Variants in C14orf180 observed in about 807,000 individuals in gnomAD.
C14orf180 encodes chromosome 14 open reading frame 180, also known as nutritionally-regulated adipose and cardiac enriched protein homolog.
Under a neutral mutation model 13.9 loss-of-function variants are expected in C14orf180, and 13 were observed. The ratio of observed to expected loss-of-function variants is 0.94; its 90% confidence interval spans 0.61 to 1.49. The LOEUF (loss-of-function observed/expected upper bound fraction) is 1.49. Ranked by LOEUF, C14orf180 falls within the 40% of genes most tolerant of loss-of-function variation. The pLI is 0.00. For missense variants in C14orf180, 238 were observed against 232.0 expected (o/e 1.03, Z -0.17); for synonymous variants, 113 against 106.3 (o/e 1.06, Z -0.39).
At position 104,588,909 on chromosome 14, in the gene C14orf180, A is replaced by AG. The variant is rs1238124241; in HGVS notation, c.*129dup. On this transcript the variant is annotated 3_prime_UTR_variant, in exon 5 of 5. Transcript: ENST00000557649. ...GGGGGCCAAAAGGGGCTGCTGCCTG[A>AG]GGGCTAACTAGGAAAAGGGGGACCC... The AG allele has an allele frequency of 6.9e-7, 1 of 1,452,114 alleles. No homozygotes were observed. The highest frequency in any genetic ancestry group is 2.5e-5 in the Admixed American group (1 of 40,642). 90.0% of individuals were successfully genotyped at this position (1,452,114 alleles called of 1,614,324 possible). A position where few individuals can be genotyped will look rare whatever the true frequency, so the allele number is the denominator to read the frequency against.
chr14:104,586,590 G>A (rs950157843), intron 2 of C14orf180, 49 bp downstream of exon 2: 4 of 1,206,164 alleles, frequency 3.3e-6, no homozygotes, highest in Non-Finnish European at 2.3e-6. Flanking sequence ...CCTTCCACTG[G>A]GGGCTGGAGG....
chr14:104,588,126 T>C, intron 3 of C14orf180, 148 bp from the exon 4 acceptor site: 1 of 1,012,904 alleles, frequency 9.9e-7, no homozygotes, highest in South Asian at 1.4e-5. Flanking sequence ...ACTGTCCCTT[T>C]GAGGAAGTGT....
chr14:104,588,361 C>T, intron 4 of C14orf180, 52 bp downstream of exon 4: 1 of 1,605,550 alleles, frequency 6.2e-7, no homozygotes, highest in Non-Finnish European at 8.5e-7. Context: ...CGTGGGTGCA[C>T]CCACCCTCAC....
chr14:104,588,702 C>T lies in C14orf180; in HGVS notation c.402C>T (p.Asp134=), dbSNP rs1324115611. 1 of 1,535,686 alleles carries T rather than the reference C, an allele frequency of 6.5e-7. No homozygotes were observed. Among genetic ancestry groups the T allele is most frequent in the Non-Finnish European group, 8.7e-7 (1 of 1,146,300 alleles). The change falls in exon 5 of 5, where the codon GAC becomes GAT. Residue 134 remains aspartate, a synonymous_variant. Transcript: ENST00000557649. ...AGCCCGTGGCAACGGCACTGGAGGA[C>T]CTGCGGGCCCGGCTCCTCGGCCTTG... ...RAKPVATALE[D]LRARLLGLVL...
rs12589717 is a variant in C14orf180, at chr14:104,589,902, G to A, written c.*1119G>A. 22,793 of 152,174 alleles carry A rather than the reference G, an allele frequency of 0.15. 2,664 individuals carry two copies. The highest frequency in any genetic ancestry group is 0.57 in the East Asian group (2,926 of 5,166). The allele number at this position is 152,174 out of a possible 1,614,324, so 9.4% of individuals were successfully genotyped here. On this transcript the variant is annotated 3_prime_UTR_variant, in exon 5 of 5. Coordinates refer to ENST00000557649, the MANE Select transcript of C14orf180 (RefSeq NM_001008404.3). The surrounding 1 kb of genome is among the most constrained non-coding windows in gnomAD (Gnocchi z 4.9). Reference sequence around the variant, plus strand: ...ACCAGAACCGATTTGCTAAGGAATCGGCCTCAGTGGCCAAAGCGGATGTCC... The same window carrying A: ...ACCAGAACCGATTTGCTAAGGAATCAGCCTCAGTGGCCAAAGCGGATGTCC...
chr14:104,587,600 C>A (rs1019431972), intron 2 of C14orf180, 149 bp from the exon 3 acceptor site: 6 of 806,486 alleles, frequency 7.4e-6, no homozygotes, highest in African/African-American at 1.8e-5. Context: ...GCCCCTCACC[C>A]TACAGGAAGT....
chr14:104,588,675 C>A lies in C14orf180; in HGVS notation c.375C>A (p.Ala125=). 6.5e-7 allele frequency: 1 copy of A among 1,534,948 alleles called. No homozygotes were observed. The highest frequency in any genetic ancestry group is 8.7e-7 in the Non-Finnish European group (1 of 1,145,914). Residue 125 remains alanine, a synonymous_variant, in exon 5 of 5, where the codon GCC becomes GCA. Transcript: ENST00000557649. The part of the protein sequence containing the change: ...VLALGLYCGR[A]KPVATALEDL... Reference sequence around the variant, plus strand: ...CCCTGGGCCTATACTGCGGCCGGGCCAAGCCCGTGGCAACGGCACTGGAGG... The same window carrying A: ...CCCTGGGCCTATACTGCGGCCGGGCAAAGCCCGTGGCAACGGCACTGGAGG...
rs1432556877 is a variant in C14orf180 at position 104,588,837 on chromosome 14, G to A, written c.*54G>A. The A allele has an allele frequency of 9.2e-6, 14 of 1,523,280 alleles. No homozygotes were observed. Among genetic ancestry groups the A allele is most frequent in the Non-Finnish European group, 1.1e-5 (13 of 1,139,498 alleles). 94.4% of individuals were successfully genotyped at this position (1,523,280 alleles called of 1,614,324 possible). A position where few individuals can be genotyped will look rare whatever the true frequency, so the allele number is the denominator to read the frequency against. ...TTCCAGGAGAGCTCAAGCACTCCGG[G>A]GGCTCCGAGACAGCCTGAGCCCTGG... On this transcript the variant is annotated 3_prime_UTR_variant, in exon 5 of 5. Transcript: ENST00000557649.
chr14:104,582,805 G>C (rs914991675), intron 1 of C14orf180, among the ~76,000 whole-genome samples: 22 of 152,162 alleles, frequency 1.4e-4, no homozygotes, highest in Admixed American at 3.9e-4. Flanking sequence ...GACACTTACA[G>C]GTCCAGGCTC....
chr14:104,587,736 G>C lies in C14orf180; in HGVS notation c.112-13G>C. On this transcript the variant is annotated splice_polypyrimidine_tract_variant and intron_variant, in intron 2 of 4. Transcript: ENST00000557649. ...CCGGGGACTCACCAGTCTGCTTCCC[G>C]CCCCCACACCAGGAGGACAACAGGA... 1 of 1,610,784 alleles carries C rather than the reference G, an allele frequency of 6.2e-7. No individual in the cohort carries two copies. The highest frequency in any genetic ancestry group is 1.3e-5 in the African/African-American group (1 of 74,830).
chr14:104,585,231 A>G (rs1330067480), intron 1 of C14orf180, among the ~76,000 whole-genome samples: 1 of 152,150 alleles, frequency 6.6e-6, no homozygotes, highest in Non-Finnish European at 1.5e-5. Flanking sequence ...AGGTCCCCAC[A>G]CTGCCCCCTA....
chr14:104,588,422 G>C, intron 4 of C14orf180, 113 bp downstream of exon 4: 2 of 1,525,336 alleles, frequency 1.3e-6, no homozygotes, highest in Non-Finnish European at 1.8e-6. Context: ...GGAGTCCCCA[G>C]TTGGGGAGCT....
In C14orf180 at chr14:104,587,755, A is replaced by G. The variant is rs1171545030; in HGVS notation, c.118A>G (p.Asn40Asp). The G allele has an allele frequency of 1.2e-6, 2 of 1,612,588 alleles. No individual in the cohort carries two copies. Among genetic ancestry groups the G allele is most frequent in the Non-Finnish European group, 1.7e-6 (2 of 1,179,580 alleles). ...CTTCCCGCCCCCACACCAGGAGGAC[A>G]ACAGGAAGTGCCCCCCCTCCATCCT... is the stretch of plus-strand genomic sequence containing the variant. Reference protein sequence around the residue: ...PRVCRAEREDNRKCPPSILKR... With the variant: ...PRVCRAEREDDRKCPPSILKR... Residue 40 changes from asparagine (N) to aspartate (D), a missense_variant, in exon 3 of 5, where the codon AAC becomes GAC. By Grantham distance (23) the Asn-to-Asp change is conservative. Transcript: ENST00000557649.
intron 2 of C14orf180, among the ~76,000 whole-genome samples, chr14:104,586,969 C>A (rs1596289793): frequency 6.6e-6 from 1 of 152,200 alleles, no homozygotes; most frequent in East Asian, 1.9e-4. Context: ...ATGCCACAGG[C>A]ACAGCAGGAG....
At chr14:104,580,824 C>T (rs1174161651) in intron 1 of C14orf180, among the ~76,000 whole-genome samples, 1 of 152,236 alleles carries the variant, frequency 6.6e-6, no homozygotes, top group African/African-American at 2.4e-5. Context: ...GGAGGAAGGG[C>T]CTGGGGGGGT....
At chr14:104,588,377 C>A in intron 4 of C14orf180, 68 bp downstream of exon 4, 1 of 1,601,468 alleles carries the variant, frequency 6.2e-7, no homozygotes, top group South Asian at 1.1e-5. Flanking sequence ...CTCACTCCCT[C>A]CCCGAGGGAG....
chr14:104,587,461 C>G (rs1048607716), intron 2 of C14orf180, among the ~76,000 whole-genome samples: 4 of 152,210 alleles, frequency 2.6e-5, no homozygotes, highest in Non-Finnish European at 5.9e-5. Flanking sequence ...AGCCTGCATC[C>G]GAGACAGCGG....
At chr14:104,588,028 C>A in intron 3 of C14orf180, 150 bp downstream of exon 3, 1 of 1,069,772 alleles carries the variant, frequency 9.3e-7, no homozygotes, top group Non-Finnish European at 1.3e-6. Context: ...CCCTGTAAGA[C>A]CTGGGCCCCT....
At chr14:104,586,127 G>A (rs545558993) in intron 1 of C14orf180, among the ~76,000 whole-genome samples, 1 of 152,334 alleles carries the variant, frequency 6.6e-6, no homozygotes, top group African/African-American at 2.4e-5. Flanking sequence ...TTTCAGTGAC[G>A]GGACCTCGGC....
Sources: gnomAD v4.1 joint callset for allele counts (sites outside exome capture counted in the v4.1 genomes callset) on GRCh38, gnomAD v4.1.1 for gene constraint, Gnocchi (gnomAD v3.1) non-coding constraint, MANE v1.5 for transcripts, NCBI Gene and HGNC (gene_info 2026-07-23, HGNC 2026-07-21) for gene names.